The following GLRB variants were observed in gnomAD, a reference collection of about 807,000 sequenced individuals.
GLRB encodes glycine receptor subunit beta.
In GLRB, 33 loss-of-function variants were observed where a neutral mutation model predicts 54.2. That is an observed-to-expected ratio of 0.61 (90% CI 0.46 to 0.81). The LOEUF (loss-of-function observed/expected upper bound fraction) is 0.81. GLRB is among the 40% of genes least tolerant of loss of function. The pLI is 0.00. For synonymous variants in GLRB, 209 were observed against 208.2 expected, an observed-to-expected ratio of 1.00 and a Z score of -0.03; for missense variants, 572 against 584.6, an observed-to-expected ratio of 0.98 and a Z score of 0.22.
chr4:157,156,204 C>T (rs546617087), intron 9 of GLRB, among the ~76,000 whole-genome samples: 1 of 152,216 alleles, frequency 6.6e-6, no homozygotes, highest in African/African-American at 2.4e-5. Context: ...TGGTCATTTT[C>T]ATGATATTGA....
rs76894672 is a variant in GLRB, at chr4:157,107,480, G to A, written c.123-13076G>A. On this transcript the variant is annotated intron_variant, in intron 2 of 9. Coordinates refer to ENST00000264428, the MANE Select transcript of GLRB (RefSeq NM_000824.5). ...GGAAGTGAAACAGTCTTATTGCTGA[G>A]CTGGAGAAAGGTTAAGTGGTCTAGA... Among the ~76,000 whole-genome samples the A allele has an allele frequency of 1.9e-4, 29 of 152,216 alleles. No homozygotes were observed. The East Asian group carries it at 5.2e-3, about 27-fold the overall frequency.
chr4:157,164,488 T>G (rs1362285945), intron 9 of GLRB, among the ~76,000 whole-genome samples: 2 of 152,200 alleles, frequency 1.3e-5, no homozygotes, highest in East Asian at 3.9e-4. Flanking sequence ...TTAAGAGATT[T>G]GGATACAGAA....
At chr4:157,126,993 T>A (rs1736037833) in intron 4 of GLRB, among the ~76,000 whole-genome samples, 1 of 151,886 alleles carries the variant, frequency 6.6e-6, no homozygotes, top group African/African-American at 2.4e-5. Context: ...TTTTGTTCCA[T>A]GACTTTTTGT....
chr4:157,109,459 T>C (rs566784746), intron 2 of GLRB, among the ~76,000 whole-genome samples: 1 of 152,012 alleles, frequency 6.6e-6, no homozygotes, highest in Non-Finnish European at 1.5e-5. Flanking sequence ...GTGTGTTTTT[T>C]ACACTGTACT....
chr4:157,127,073 T>G (rs1335428361), intron 4 of GLRB, among the ~76,000 whole-genome samples: 1 of 151,800 alleles, frequency 6.6e-6, no homozygotes, highest in Non-Finnish European at 1.5e-5. Context: ...AAATTCATAT[T>G]TGGGATCCAC....
At chr4:157,160,345 T>C (rs1737430181) in intron 9 of GLRB, among the ~76,000 whole-genome samples, 1 of 152,178 alleles carries the variant, frequency 6.6e-6, no homozygotes, top group Admixed American at 6.5e-5. Flanking sequence ...AGTTCTGCTG[T>C]GATCTTAGTT....
intron 2 of GLRB, among the ~76,000 whole-genome samples, chr4:157,103,159 A>T (rs1052710885): frequency 6.8e-6 from 1 of 146,852 alleles, no homozygotes; most frequent in Non-Finnish European, 1.5e-5. Context: ...CAAAAAAACA[A>T]AAAAAAAAAA....
At chr4:157,096,694 A>G (rs573986744) in intron 2 of GLRB, among the ~76,000 whole-genome samples, 3 of 152,330 alleles carry the variant, frequency 2.0e-5, no homozygotes, top group Non-Finnish European at 2.9e-5. Context: ...GAATATTTCA[A>G]TGAAGATATC....
chr4:157,106,852 C>A (rs578258323), intron 2 of GLRB, among the ~76,000 whole-genome samples: 3 of 152,020 alleles, frequency 2.0e-5, no homozygotes, highest in African/African-American at 4.8e-5. Flanking sequence ...CAGCCAATAC[C>A]ACTATTAAAT....
intron 8 of GLRB, among the ~76,000 whole-genome samples, chr4:157,148,795 G>A (rs552064288): frequency 6.6e-6 from 1 of 151,808 alleles, no homozygotes; most frequent in African/African-American, 2.4e-5. Flanking sequence ...ATGTGCACGT[G>A]CAGTGTGTAT....
chr4:157,111,851 T>C (rs1735431193), intron 2 of GLRB, among the ~76,000 whole-genome samples: 1 of 152,020 alleles, frequency 6.6e-6, no homozygotes, highest in Non-Finnish European at 1.5e-5. Flanking sequence ...TTTCTTTTGC[T>C]GAATCCCATG....
intron 9 of GLRB, among the ~76,000 whole-genome samples, chr4:157,168,107 C>T (rs1420220804): frequency 7.1e-6 from 1 of 139,932 alleles, no homozygotes; most frequent in Non-Finnish European, 1.5e-5. Context: ...CCACATCAAC[C>T]AGTTCCTATT....
At chr4:157,092,529 A>G (rs74695303) in intron 2 of GLRB, among the ~76,000 whole-genome samples, 4,304 of 152,250 alleles carry the variant, frequency 0.028, 184 homozygotes, top group African/African-American at 0.097. Flanking sequence ...AGTTAAGCTA[A>G]TAGTTAAATA....
In GLRB at chr4:157,122,382, TC is replaced by T; in HGVS notation, c.283del (p.Gln95LysfsTer13). The T allele has an allele frequency of 7.9e-7, 1 of 1,264,350 alleles. No homozygotes were observed. The highest frequency in any genetic ancestry group is 1.1e-6 in the Non-Finnish European group (1 of 873,380). The allele number at this position is 1,264,350 out of a possible 1,614,324, so 78.3% of individuals were successfully genotyped here. ...TTTTTATTAACAGTTTTGGATCCAT[TC>T]AAGAAACAACAATGGTAAGATTGCA... ...NIFINSFGSI[Q>X]ETTMDYRVNI... On this transcript the variant is annotated frameshift_variant, in exon 4 of 10. Transcript: ENST00000264428. LOFTEE classifies it high-confidence loss of function.
At chr4:157,108,941 G>A (rs977191567) in intron 2 of GLRB, among the ~76,000 whole-genome samples, 1 of 151,996 alleles carries the variant, frequency 6.6e-6, no homozygotes, top group Non-Finnish European at 1.5e-5. Flanking sequence ...TCAACATCAA[G>A]GCAAGACTCT....
rs573954727 is a variant in GLRB at position 157,078,887 on chromosome 4, C to T, written c.122+741C>T. Among the ~76,000 whole-genome samples the T allele has an allele frequency of 3.3e-5, 5 of 152,210 alleles. No homozygotes were observed. In the South Asian group the frequency reaches 1.0e-3, roughly 32 times the overall value. On this transcript the variant is annotated intron_variant, in intron 2 of 9. Coordinates refer to ENST00000264428, the MANE Select transcript of GLRB (RefSeq NM_000824.5). ...TCCCGGGTTCAAGCAATTCTCCTGC[C>T]TCAGCCTCCCAAGTAGCTGGGATTA...
chr4:157,135,174 T>C (rs1181783071), intron 4 of GLRB, among the ~76,000 whole-genome samples: 1 of 152,134 alleles, frequency 6.6e-6, no homozygotes, highest in East Asian at 1.9e-4. Context: ...TAACAACAAG[T>C]ATGTAAAATA....
intron 8 of GLRB, among the ~76,000 whole-genome samples, chr4:157,150,897 C>A (rs2126598487): frequency 6.6e-6 from 1 of 152,038 alleles, no homozygotes; most frequent in East Asian, 1.9e-4. Flanking sequence ...AATTTTCTTT[C>A]TCAGTCTATT....
intron 1 of GLRB, chr4:157,076,502 C>T (rs935694538): frequency 2.0e-5 from 3 of 151,848 alleles, no homozygotes; most frequent in African/African-American, 4.8e-5. Context: ...GCAGCCGGGT[C>T]CCCGCTGCGG....
Sources: allele counts gnomAD v4.1 joint callset (sites outside exome capture counted in the v4.1 genomes callset), GRCh38; gene constraint gnomAD v4.1.1; transcripts MANE v1.5; gene names NCBI Gene and HGNC (gene_info 2026-07-23, HGNC 2026-07-21).